Variants in UBXN2B observed in about 807,000 individuals in gnomAD.
UBXN2B encodes the protein UBX domain-containing protein 2B.
Under a neutral mutation model 37.5 loss-of-function variants are expected in UBXN2B, and 19 were observed. That is an observed-to-expected ratio of 0.51 (90% CI 0.35 to 0.74). UBXN2B has a LOEUF of 0.74. UBXN2B is among the 30% of genes least tolerant of loss of function. The pLI is 0.01. For missense variants in UBXN2B, 370 were observed against 393.2 expected (o/e 0.94, Z 0.50); for synonymous variants, 145 against 143.8 (o/e 1.01, Z -0.06).
chr8:58,419,575 TC>T (rs2129603764), intron 2 of UBXN2B, among the ~76,000 whole-genome samples: 1 of 152,346 alleles, frequency 6.6e-6, no homozygotes, highest in South Asian at 2.1e-4. Flanking sequence ...GGATATGTCC[TC>T]CACAAGTCAT....
chr8:58,436,638 A>C (rs927695276), intron 5 of UBXN2B, among the ~76,000 whole-genome samples: 1 of 152,298 alleles, frequency 6.6e-6, no homozygotes, highest in Non-Finnish European at 1.5e-5. Context: ...TGGATCCCTC[A>C]CAAATGGCTT....
intron 2 of UBXN2B, chr8:58,425,258 G>A: frequency 8.9e-7 from 1 of 1,126,954 alleles, no homozygotes; most frequent in Non-Finnish European, 1.4e-6. Flanking sequence ...TACTCATCAG[G>A]CCAGTATTTG....
chr8:58,444,027 A>G (rs919963883), intron 6 of UBXN2B, among the ~76,000 whole-genome samples: 2 of 152,154 alleles, frequency 1.3e-5, no homozygotes, highest in African/African-American at 4.8e-5. Context: ...TCCATATACA[A>G]TAGTTTCATT....
intron 2 of UBXN2B, chr8:58,425,147 C>T (rs1808046593): frequency 2.4e-6 from 2 of 849,806 alleles, no homozygotes; most frequent in South Asian, 1.3e-5. Context: ...TCCATATTCC[C>T]TTGCCCAACC....
In UBXN2B at chr8:58,445,954, A is replaced by G. The variant is rs746144657; in HGVS notation, c.719A>G (p.Asp240Gly). Residue 240 changes from aspartate (D) to glycine (G), a missense_variant, in exon 7 of 8, where the codon GAT becomes GGT. Physicochemically the swap from Asp to Gly is moderately conservative, Grantham distance 94. Coordinates refer to ENST00000399598, the MANE Select transcript of UBXN2B (RefSeq NM_001077619.2). ...ACACCTTCCTCTCCAGAAGAGGAGG[A>G]TAAATCAATACTTAATGCAGTTGTT... Reference protein sequence around the residue: ...VSTPSSPEEEDKSILNAVVLI... With the variant: ...VSTPSSPEEEGKSILNAVVLI... 1.2e-5 allele frequency: 19 copies of G among 1,612,354 alleles called. No homozygotes were observed. In the Admixed American group the frequency reaches 3.2e-4, roughly 27 times the overall value.
intron 2 of UBXN2B, among the ~76,000 whole-genome samples, chr8:58,422,959 A>G (rs1400976601): frequency 6.6e-6 from 1 of 152,196 alleles, no homozygotes. Context: ...ACCGTCTGTT[A>G]GACTAGTGGC....
intron 4 of UBXN2B, among the ~76,000 whole-genome samples, 178 bp downstream of exon 4, chr8:58,433,421 T>C (rs1808333901): frequency 6.6e-6 from 1 of 152,164 alleles, no homozygotes; most frequent in African/African-American, 2.4e-5. Flanking sequence ...TGTATCACAA[T>C]TATGCCTTGC....
In UBXN2B at chr8:58,415,644, A is replaced by G. The variant is rs561024712; in HGVS notation, c.85-1206A>G. Among the ~76,000 whole-genome samples the G allele has an allele frequency of 4.6e-5, 7 of 152,212 alleles. No individual in the cohort carries two copies. In the South Asian group the frequency reaches 1.0e-3, roughly 23 times the overall value. The stretch of plus-strand genomic sequence containing the variant: ...TTTCCATACATTATTTAATCCTTCA[A>G]ATGACTACGGTGATTTTTTATAGGC... On this transcript the variant is annotated intron_variant, in intron 1 of 7. Transcript: ENST00000399598.
At chr8:58,437,287 G>A (rs1467128286) in intron 5 of UBXN2B, among the ~76,000 whole-genome samples, 2 of 145,784 alleles carry the variant, frequency 1.4e-5, no homozygotes, top group African/African-American at 2.5e-5. Context: ...ACTAAAGAGT[G>A]ATGATCTAGG....
At chr8:58,413,198 A>G (rs930522326) in intron 1 of UBXN2B, 14 of 151,966 alleles carry the variant, frequency 9.2e-5, no homozygotes, top group African/African-American at 3.4e-4. Context: ...TCTCCTGTCT[A>G]CTTGTTGTAG....
intron 2 of UBXN2B, among the ~76,000 whole-genome samples, chr8:58,421,308 G>C (rs1182214701): frequency 2.6e-5 from 4 of 151,124 alleles, no homozygotes; most frequent in Middle Eastern, 3.5e-3. Context: ...ATAAGTTTCA[G>C]GAAGGCCACA....
chr8:58,420,586 T>C (rs1396450538), intron 2 of UBXN2B, among the ~76,000 whole-genome samples: 2 of 152,240 alleles, frequency 1.3e-5, no homozygotes, highest in African/African-American at 4.8e-5. Flanking sequence ...GTAGGTCTAG[T>C]CATCAGCTTA....
intron 3 of UBXN2B, among the ~76,000 whole-genome samples, 192 bp from the exon 4 acceptor site, chr8:58,432,968 T>A (rs1170529511): frequency 6.6e-6 from 1 of 152,258 alleles, no homozygotes; most frequent in African/African-American, 2.4e-5. Context: ...ATTTTGGTTT[T>A]CATTTCATTA....
intron 2 of UBXN2B, among the ~76,000 whole-genome samples, chr8:58,428,468 T>A (rs940372034): frequency 1.3e-5 from 2 of 152,214 alleles, no homozygotes; most frequent in African/African-American, 4.8e-5. Context: ...TTTTTCTGAT[T>A]CCTCTGGTCA....
At chr8:58,425,149 T>C (rs1473128075) in intron 2 of UBXN2B, 16 of 851,876 alleles carry the variant, frequency 1.9e-5, no homozygotes, top group Non-Finnish European at 2.9e-5. Context: ...CATATTCCCT[T>C]GCCCAACCTT....
intron 1 of UBXN2B, among the ~76,000 whole-genome samples, chr8:58,414,503 A>G (rs1479804085): frequency 1.3e-5 from 2 of 152,336 alleles, no homozygotes; most frequent in Admixed American, 6.5e-5. Context: ...CTTTACTTAC[A>G]TACTTTATCC....
chr8:58,420,862 G>A (rs1189803390), intron 2 of UBXN2B, among the ~76,000 whole-genome samples: 4 of 152,164 alleles, frequency 2.6e-5, no homozygotes, highest in African/African-American at 9.7e-5. Context: ...TCAAGAGGAA[G>A]AAGGAAAAGC....
At chr8:58,435,555 A>T (rs117150111) in intron 5 of UBXN2B, among the ~76,000 whole-genome samples, 2 of 152,192 alleles carry the variant, frequency 1.3e-5, no homozygotes, top group East Asian at 3.9e-4. Context: ...GCTGCGAGCA[A>T]CTAGGTGGGG....
chr8:58,433,027 T>C (rs1327626760), intron 3 of UBXN2B, 133 bp from the exon 4 acceptor site: 1 of 585,526 alleles, frequency 1.7e-6, no homozygotes, highest in African/African-American at 1.9e-5. Flanking sequence ...ATGGTAATTT[T>C]GGTTCTTGAA....
Sources: gnomAD v4.1 joint callset for allele counts (sites outside exome capture counted in the v4.1 genomes callset) on GRCh38, gnomAD v4.1.1 for gene constraint, MANE v1.5 for transcripts, NCBI Gene and HGNC (gene_info 2026-07-23, HGNC 2026-07-21) for gene names.